The following USP46 variants were observed in gnomAD, a reference collection of about 807,000 sequenced individuals.
The protein encoded by USP46 is ubiquitin specific peptidase 46.
USP46 carries 12 observed loss-of-function variants against 44.4 expected under a neutral mutation model. The observed-to-expected ratio is 0.27, with a 90% CI of 0.17 to 0.44. The LOEUF is 0.44. Ranked by LOEUF, USP46 falls within the 20% of genes least tolerant of loss-of-function variation. The probability of loss-of-function intolerance (pLI) is 1.00; values close to 1 mark genes in which losing one functional copy is unlikely to be tolerated. For missense variants in USP46, 248 were observed against 444.8 expected (o/e 0.56, Z 3.98); for synonymous variants, 155 against 161.5 (o/e 0.96, Z 0.31).
intron 1 of USP46, chr4:52,656,185 G>C: frequency 9.8e-7 from 1 of 1,020,156 alleles, no homozygotes; most frequent in Non-Finnish European, 1.5e-6. Flanking sequence ...ATCACCATTT[G>C]CTCTTACTAC....
At chr4:52,606,742 A>G (rs1201278897) in intron 5 of USP46, among the ~76,000 whole-genome samples, 1 of 152,250 alleles carries the variant, frequency 6.6e-6, no homozygotes, top group Non-Finnish European at 1.5e-5. Context: ...CTCAACAAAG[A>G]AACGACATAA....
chr4:52,652,885 T>G (rs1718818245), intron 1 of USP46, among the ~76,000 whole-genome samples: 1 of 152,200 alleles, frequency 6.6e-6, no homozygotes, highest in Admixed American at 6.5e-5. Flanking sequence ...CACATTTCTG[T>G]ATGTCTAAAA....
At position 52,631,118 on chromosome 4, in the gene USP46, T is replaced by C; in HGVS notation, c.63A>G (p.Lys21=). The change falls in exon 2 of 9, where the codon AAA becomes AAG. Residue 21 remains lysine (K), a synonymous_variant. Transcript: ENST00000441222. The part of the protein sequence containing the change: ...NMGTNASALE[K]DIGPEQFPIN... ...TTGGAAACTGCTCTGGACCAATGTC[T>C]TTTTCCAGAGCAGAGGCATTGGTGC... The C allele has an allele frequency of 6.4e-7, 1 of 1,565,384 alleles. No individual in the cohort carries two copies. The highest frequency in any genetic ancestry group is 8.7e-7 in the Non-Finnish European group (1 of 1,152,964).
intron 5 of USP46, among the ~76,000 whole-genome samples, chr4:52,609,894 ATTTCTTTTTTTTTTTTTTTT>A (rs1716863976): frequency 9.7e-5 from 2 of 20,692 alleles, no homozygotes; most frequent in Admixed American, 1.0e-3. Context: ...CCTCAATTCT[ATTTCTTTTTTTTTTTTTTTT>A]TTTTTTTTTT....
intron 5 of USP46, among the ~76,000 whole-genome samples, chr4:52,610,186 A>G (rs1215271430): frequency 2.0e-5 from 3 of 151,494 alleles, no homozygotes; most frequent in African/African-American, 4.8e-5. Flanking sequence ...GGCCTCCCAA[A>G]GTGCTGGGAT....
At chr4:52,603,142 G>A (rs1275406066) in intron 6 of USP46, among the ~76,000 whole-genome samples, 1 of 152,146 alleles carries the variant, frequency 6.6e-6, no homozygotes, top group East Asian at 1.9e-4. Flanking sequence ...AAGAAGTATG[G>A]GGAACCCCAT....
Position 52,604,601 on chromosome 4 carries a change from T to A in USP46, c.639-17A>T, listed in dbSNP as rs1237538755. The stretch of plus-strand genomic sequence containing the variant: ...CTGAAGTCTCTGTAGAGGAAAATAT[T>A]TCCATCTTTAAAAAATGTCCAAATC... On this transcript the variant is annotated splice_polypyrimidine_tract_variant and intron_variant, in intron 5 of 8. Transcript: ENST00000441222. 2 of 1,555,558 alleles carry A rather than the reference T, an allele frequency of 1.3e-6. No individual in the cohort carries two copies. Among genetic ancestry groups the A allele is most frequent in the East Asian group, 4.6e-5 (2 of 43,412 alleles).
intron 4 of USP46, among the ~76,000 whole-genome samples, chr4:52,621,919 A>C (rs1304933392): frequency 6.6e-6 from 1 of 152,220 alleles, no homozygotes; most frequent in Non-Finnish European, 1.5e-5. Context: ...TATACTACAA[A>C]ATGATAACAA....
Position 52,604,539 on chromosome 4 carries a change from A to G in USP46, c.684T>C (p.Tyr228=). ...CTTGTTTGCTGCAGCATGTTTCACA[A>G]TAATATTTTTGTTCACTACACAGTG... ...TETLCSEQKY[Y]CETCCSKQEA... is the part of the protein sequence containing the mutation. The change falls in exon 6 of 9, where the codon TAT becomes TAC. Residue 228 remains tyrosine, a synonymous_variant. Transcript: ENST00000441222. 1.2e-6 allele frequency: 2 copies of G among 1,611,520 alleles called. No individual in the cohort carries two copies. The highest frequency in any genetic ancestry group is 1.7e-6 in the Non-Finnish European group (2 of 1,179,126).
At chr4:52,606,022 T>C (rs961812565) in intron 5 of USP46, among the ~76,000 whole-genome samples, 6 of 152,196 alleles carry the variant, frequency 3.9e-5, no homozygotes, top group Non-Finnish European at 8.8e-5. Context: ...TGCCGTCTTA[T>C]TTCTTCCCAG....
chr4:52,605,254 G>C (rs548076238), intron 5 of USP46, among the ~76,000 whole-genome samples: 72 of 152,278 alleles, frequency 4.7e-4, no homozygotes, highest in African/African-American at 1.6e-3. Context: ...CTCCTTTGGA[G>C]AACAAAAGCC....
intron 2 of USP46, among the ~76,000 whole-genome samples, chr4:52,629,206 C>T (rs1198537624): frequency 2.0e-5 from 3 of 152,214 alleles, no homozygotes; most frequent in African/African-American, 7.2e-5. Context: ...CTTAACATGA[C>T]ATTTCTATGT....
chr4:52,633,710 G>T (rs1351057449), intron 1 of USP46, among the ~76,000 whole-genome samples: 1 of 152,152 alleles, frequency 6.6e-6, no homozygotes, highest in African/African-American at 2.4e-5. Context: ...GAAATTCTTA[G>T]GTTCGGTGTG....
At chr4:52,656,267 C>T in intron 1 of USP46, 3 of 1,550,148 alleles carry the variant, frequency 1.9e-6, no homozygotes, top group Non-Finnish European at 2.6e-6. Context: ...AGGAGCTAAG[C>T]AGTGAGAAGG....
At chr4:52,608,436 C>T (rs1472362239) in intron 5 of USP46, among the ~76,000 whole-genome samples, 8 of 152,368 alleles carry the variant, frequency 5.3e-5, no homozygotes, top group South Asian at 2.1e-4. Flanking sequence ...GACGAGGCTG[C>T]GCCTATGGCT....
At chr4:52,616,846 G>T (rs1717170353) in intron 4 of USP46, among the ~76,000 whole-genome samples, 1 of 152,038 alleles carries the variant, frequency 6.6e-6, no homozygotes, top group South Asian at 2.1e-4. Context: ...CAAATATTTG[G>T]AAATTAAACA....
At chr4:52,623,992 A>G (rs2109625861) in intron 4 of USP46, among the ~76,000 whole-genome samples, 1 of 152,332 alleles carries the variant, frequency 6.6e-6, no homozygotes, top group African/African-American at 2.4e-5. Context: ...CCATTTTACC[A>G]TACATGTTAA....
At chr4:52,633,915 C>G (rs1265983983) in intron 1 of USP46, among the ~76,000 whole-genome samples, 1 of 152,112 alleles carries the variant, frequency 6.6e-6, no homozygotes, top group Non-Finnish European at 1.5e-5. Context: ...CAAAACAGCA[C>G]AGCGAAAAAT....
At chr4:52,619,355 C>CA (rs2109619854) in intron 4 of USP46, among the ~76,000 whole-genome samples, 2 of 151,780 alleles carry the variant, frequency 1.3e-5, no homozygotes, top group East Asian at 3.9e-4. Context: ...TGAAGGCTGG[C>CA]AAAAAGGTTT....
Sources: allele counts gnomAD v4.1 joint callset (sites outside exome capture counted in the v4.1 genomes callset), GRCh38; gene constraint gnomAD v4.1.1; transcripts MANE v1.5; gene names NCBI Gene and HGNC (gene_info 2026-07-23, HGNC 2026-07-21).